The following FUT1 variants were observed in gnomAD, a reference collection of about 807,000 sequenced individuals.
FUT1 encodes the protein galactoside alpha-(1,2)-fucosyltransferase 1.
For synonymous variants in FUT1, 215 were observed against 208.7 expected, an observed-to-expected ratio of 1.03 and a Z score of -0.26; for missense variants, 476 against 492.7, an observed-to-expected ratio of 0.97 and a Z score of 0.32.
chr19:48,749,772 A>G lies in FUT1; in HGVS notation c.*412T>C. On this transcript the variant is annotated 3_prime_UTR_variant, in exon 2 of 2. Transcript: ENST00000645652. ...CTCTAGAATCACTCCAGAAACACAG[A>G]AGGGGACTTGGTGAATGCTTGCTCT... 1 of 258,924 alleles carries G rather than the reference A, an allele frequency of 3.9e-6. No individual in the cohort carries two copies. The highest frequency in any genetic ancestry group is 7.5e-6 in the Non-Finnish European group (1 of 133,158). The allele number at this position is 258,924 out of a possible 1,614,324, so 16.0% of individuals were successfully genotyped here.
At chr19:48,751,980 C>T (rs2034010494) in intron 1 of FUT1, among the ~76,000 whole-genome samples, 1 of 151,862 alleles carries the variant, frequency 6.6e-6, no homozygotes, top group African/African-American at 2.4e-5. Context: ...ATTAGCTTGG[C>T]ATGGTGGCAC....
In FUT1 at chr19:48,750,931, A is replaced by T; in HGVS notation, c.351T>A (p.His117Gln). 10 of 1,611,070 alleles carry T rather than the reference A, an allele frequency of 6.2e-6. No homozygotes were observed. The highest frequency in any genetic ancestry group is 8.5e-6 in the Non-Finnish European group (10 of 1,177,906). Residue 117 changes from histidine to glutamine, a missense_variant, in exon 2 of 2, where the codon CAT becomes CAA. Transcript: ENST00000645652. ...GRRAFILPAMHAALAPVFRIT... is the reference protein window; with the variant it reads ...GRRAFILPAMQAALAPVFRIT... ...TGCGGAATACCGGGGCCAGGGCGGC[A>T]TGCATGGCAGGCAGGATAAAGGCCC...
rs77728773 is a variant in FUT1 at position 48,748,631 on chromosome 19, C to G, written c.*1553G>C. 6.6e-6 allele frequency: 1 copy of G among 152,330 alleles called. No individual in the cohort carries two copies. The highest frequency in any genetic ancestry group is 2.1e-4 in the South Asian group (1 of 4,826). The allele number at this position is 152,330 out of a possible 1,614,324, so 9.4% of individuals were successfully genotyped here. ...ATTTTGGCAGTGATCCCTCACCCCA[C>G]GTTCACATTTTAGCCTGTCTGCTCA... On this transcript the variant is annotated 3_prime_UTR_variant, in exon 2 of 2. Transcript: ENST00000645652.
chr19:48,754,941 C>T (rs986876627), upstream of FUT1, among the ~76,000 whole-genome samples: 1 of 152,094 alleles, frequency 6.6e-6, no homozygotes, highest in African/African-American at 2.4e-5. Context: ...CCTCCTCCCT[C>T]AGACTTAGGA....
chr19:48,751,585 G>A (rs1010563962), intron 1 of FUT1, among the ~76,000 whole-genome samples: 1 of 152,194 alleles, frequency 6.6e-6, no homozygotes, highest in Non-Finnish European at 1.5e-5. Context: ...GGCTGAGATG[G>A]GAGGATCCCT....
chr19:48,748,090 G>T lies in FUT1; in HGVS notation c.*2094C>A, dbSNP rs922845420. 1 of 152,306 alleles carries T rather than the reference G, an allele frequency of 6.6e-6. No homozygotes were observed. The highest frequency in any genetic ancestry group is 1.5e-5 in the Non-Finnish European group (1 of 68,058). The allele number at this position is 152,306 out of a possible 1,614,324, so 9.4% of individuals were successfully genotyped here. On this transcript the variant is annotated 3_prime_UTR_variant, in exon 2 of 2. Coordinates refer to ENST00000645652, the MANE Select transcript of FUT1 (RefSeq NM_001384359.1). ...AGTTGGGAACAGTACTGTAACAATTGTAACTGTAACTCCCTGATAAGCCTA... is the reference window on the plus strand; with the variant it reads ...AGTTGGGAACAGTACTGTAACAATTTTAACTGTAACTCCCTGATAAGCCTA...
rs2033945173 is a variant in FUT1 at position 48,748,709 on chromosome 19, C to T, written c.*1475G>A. 6.6e-6 allele frequency: 1 copy of T among 152,288 alleles called. No individual in the cohort carries two copies. Among genetic ancestry groups the T allele is most frequent in the Non-Finnish European group, 1.5e-5 (1 of 68,044 alleles). 9.4% of individuals were successfully genotyped at this position (152,288 alleles called of 1,614,324 possible). A position where few individuals can be genotyped will look rare whatever the true frequency, so the allele number is the denominator to read the frequency against. ...GCTGTGGGGCTTGTTGGACAGAGTC[C>T]CGCTCTGCTCACCAACTACCCCAGC... is the stretch of plus-strand genomic sequence containing the variant. On this transcript the variant is annotated 3_prime_UTR_variant, in exon 2 of 2. Coordinates refer to ENST00000645652, the MANE Select transcript of FUT1 (RefSeq NM_001384359.1).
upstream of FUT1, chr19:48,752,883 G>A: frequency 6.1e-6 from 6 of 985,528 alleles, no homozygotes; most frequent in Non-Finnish European, 7.2e-6. The surrounding 1 kb of genome is among the most constrained non-coding windows in gnomAD (Gnocchi z 4.3). Context: ...TTCACCCAGG[G>A]CAGGCTACCT....
In FUT1 at chr19:48,752,173, C is replaced by A. The variant is rs1482741331; in HGVS notation, c.-3+317G>T. On this transcript the variant is annotated intron_variant, in intron 1 of 1. Transcript: ENST00000645652. This position sits in a 1 kb window ranked among gnomAD's most constrained non-coding sequence, Gnocchi z 4.3. ...GTTCCTACACCTTTCCTGAAGGAAT[C>A]TCGAGTCTCCCCTCCTGTAAGTTCC... is the stretch of plus-strand genomic sequence containing the variant. 2.7e-5 allele frequency among the ~76,000 whole-genome samples: 4 copies of A among 149,204 alleles called. No homozygotes were observed. Among genetic ancestry groups the A allele is most frequent in the East Asian group, 4.1e-4 (2 of 4,908 alleles).
chr19:48,752,518 A>T lies in FUT1; in HGVS notation c.-31T>A, dbSNP rs2034020273. 1 of 985,390 alleles carries T rather than the reference A, an allele frequency of 1.0e-6. No individual in the cohort carries two copies. Among genetic ancestry groups the T allele is most frequent in the Non-Finnish European group, 1.2e-6 (1 of 829,960 alleles). 61.0% of individuals were successfully genotyped at this position (985,390 alleles called of 1,614,324 possible). ...AGCTGCTTGCAGGTGGCAGATCCACAGTCCGCTTTTCGTGGCCGGAGCGCA... is the reference window on the plus strand; with the variant it reads ...AGCTGCTTGCAGGTGGCAGATCCACTGTCCGCTTTTCGTGGCCGGAGCGCA... On this transcript the variant is annotated 5_prime_UTR_variant, in exon 1 of 2. Coordinates refer to ENST00000645652, the MANE Select transcript of FUT1 (RefSeq NM_001384359.1). This position sits in a 1 kb window ranked among gnomAD's most constrained non-coding sequence, Gnocchi z 4.3.
In FUT1 at chr19:48,750,527, C is replaced by G. The variant is rs1237990182; in HGVS notation, c.755G>C (p.Arg252Pro). 6.2e-7 allele frequency: 1 copy of G among 1,613,600 alleles called. No individual in the cohort carries two copies. Among genetic ancestry groups the G allele is most frequent in the Non-Finnish European group, 8.5e-7 (1 of 1,180,034 alleles). ...LRQAMDWFRARHEAPVFVVTS... is the reference protein window; with the variant it reads ...LRQAMDWFRAPHEAPVFVVTS... ...GACCACGAAAACGGGGGCTTCGTGC[C>G]GTGCCCGGAACCAGTCCATGGCCTG... Residue 252 changes from arginine to proline, a missense_variant, in exon 2 of 2, where the codon CGG becomes CCG. By Grantham distance (103) the Arg-to-Pro change is moderately radical. Transcript: ENST00000645652.
Position 48,750,980 on chromosome 19 carries a change from G to A in FUT1, c.302C>T (p.Ala101Val), listed in dbSNP as rs752107701. The A allele has an allele frequency of 5.0e-6, 8 of 1,598,742 alleles. No homozygotes were observed. Among genetic ancestry groups the A allele is most frequent in the East Asian group, 2.2e-5 (1 of 44,740 alleles). ...NQMGQYATLLALAQLNGRRAF... is the reference protein window; with the variant it reads ...NQMGQYATLLVLAQLNGRRAF... ...CCGGCGGCCGTTGAGCTGGGCCAGA[G>A]CCAGCAGCGTGGCATACTGTCCCAT... Residue 101 changes from alanine to valine, a missense_variant, in exon 2 of 2, where the codon GCT becomes GTT. Transcript: ENST00000645652.
At chr19:48,754,056 G>T (rs192416764), upstream of FUT1, among the ~76,000 whole-genome samples, 94 of 152,002 alleles carry the variant, frequency 6.2e-4, no homozygotes, top group African/African-American at 2.2e-3. Context: ...CGTGGTGGAG[G>T]GCGCCTGTAG....
upstream of FUT1, chr19:48,752,963 G>C: frequency 1.1e-6 from 1 of 923,414 alleles, no homozygotes; most frequent in Non-Finnish European, 1.3e-6. This position sits in a 1 kb window ranked among gnomAD's most constrained non-coding sequence, Gnocchi z 4.3. Context: ...TGCTGGAGCC[G>C]GGAGGTCCAA....
rs2033932820 is a variant in FUT1, at chr19:48,748,034, A to G, written c.*2150T>C. 1 of 152,174 alleles carries G rather than the reference A, an allele frequency of 6.6e-6. No homozygotes were observed. The highest frequency in any genetic ancestry group is 1.5e-5 in the Non-Finnish European group (1 of 68,052). 9.4% of individuals were successfully genotyped at this position (152,174 alleles called of 1,614,324 possible). On this transcript the variant is annotated 3_prime_UTR_variant, in exon 2 of 2. Coordinates refer to ENST00000645652, the MANE Select transcript of FUT1 (RefSeq NM_001384359.1). The stretch of plus-strand genomic sequence containing the variant: ...GGTTAGTGCTGTAGACTTTTAATTC[A>G]TACCTCCTGCTCTCTCACCCGTGGC...
rs994165490 is a variant in FUT1 at position 48,752,124 on chromosome 19, A to G, written c.-3+366T>C. ...GACCCTGTCTTAAAAAAAAAAAAAA[A>G]AAAAAAAAAAGAAAGTGGTCCAGGT... On this transcript the variant is annotated intron_variant, in intron 1 of 1. Coordinates refer to ENST00000645652, the MANE Select transcript of FUT1 (RefSeq NM_001384359.1). The surrounding 1 kb of genome is among the most constrained non-coding windows in gnomAD (Gnocchi z 4.3). Among the ~76,000 whole-genome samples, 60 of 151,082 alleles carry G rather than the reference A, an allele frequency of 4.0e-4. No individual in the cohort carries two copies. The highest frequency in any genetic ancestry group is 1.5e-3 in the African/African-American group (60 of 41,294).
Position 48,750,593 on chromosome 19 carries a change from T to G in FUT1, c.689A>C (p.Gln230Pro), listed in dbSNP as rs1445220556. Residue 230 changes from glutamine to proline, a missense_variant, in exon 2 of 2, where the codon CAG becomes CCG. Physicochemically the swap from Gln to Pro is moderately conservative, Grantham distance 76. Coordinates refer to ENST00000645652, the MANE Select transcript of FUT1 (RefSeq NM_001384359.1). ...GTCGCCCACCACACCCTTCCAGCGCTGAGGCATAACCTGCAGATAGTCCCC... is the reference window on the plus strand; with the variant it reads ...GTCGCCCACCACACCCTTCCAGCGCGGAGGCATAACCTGCAGATAGTCCCC... ...RRGDYLQVMP[Q>P]RWKGVVGDSA... 1.9e-6 allele frequency: 3 copies of G among 1,611,426 alleles called. No homozygotes were observed. The highest frequency in any genetic ancestry group is 8.5e-7 in the Non-Finnish European group (1 of 1,180,002).
rs749078639 is a variant in FUT1 at position 48,751,129 on chromosome 19, T to TG, written c.152dup (p.Val52SerfsTer40). On this transcript the variant is annotated frameshift_variant, in exon 2 of 2. Transcript: ENST00000645652. LOFTEE classifies it low-confidence loss of function (END_TRUNC). ...TACCCGGCAGGCAGAAGATGGCCAC[T>TG]GGGGGTGTCACCAGGCGGCGGTCTG... The TG allele has an allele frequency of 6.2e-7, 1 of 1,613,760 alleles. No homozygotes were observed.
upstream of FUT1, chr19:48,752,980 G>T (rs2034027851): frequency 2.4e-6 from 2 of 823,812 alleles, no homozygotes; most frequent in Non-Finnish European, 1.5e-6. This position sits in a 1 kb window ranked among gnomAD's most constrained non-coding sequence, Gnocchi z 4.3. Flanking sequence ...CCAATCCGCC[G>T]CCCTCTCTCT....
Sources: gnomAD v4.1 joint callset for allele counts (sites outside exome capture counted in the v4.1 genomes callset) on GRCh38, gnomAD v4.1.1 for gene constraint, Gnocchi (gnomAD v3.1) non-coding constraint, MANE v1.5 for transcripts, NCBI Gene and HGNC (gene_info 2026-07-23, HGNC 2026-07-21) for gene names.